The following MAF variants were observed in gnomAD, a reference collection of about 807,000 sequenced individuals.
The protein encoded by MAF is transcription factor Maf.
Under a neutral mutation model 22.0 loss-of-function variants are expected in MAF, and 10 were observed. The ratio of observed to expected loss-of-function variants is 0.45; its 90% CI spans 0.28 to 0.77. The LOEUF is 0.77. Among genes scored for constraint, MAF ranks in the 30% least tolerant of loss-of-function variants. MAF has a pLI of 0.12. For synonymous variants in MAF, 337 were observed against 255.8 expected (o/e 1.32, Z -3.03); for missense variants, 544 against 548.4 (o/e 0.99, Z 0.08).
At chr16:79,485,277 G>C in the MAF span, among the ~76,000 whole-genome samples, 2 of 152,156 alleles carry the variant, frequency 1.3e-5, no homozygotes, top group African/African-American at 2.4e-5. Flanking sequence ...AATACTACTT[G>C]CCTCATAGGG....
the MAF span, among the ~76,000 whole-genome samples, chr16:79,535,888 C>G: frequency 6.6e-6 from 1 of 152,136 alleles, no homozygotes; most frequent in African/African-American, 2.4e-5. Context: ...TACTTTAGTT[C>G]AGCTTTAGAA....
chr16:79,515,100 G>A, the MAF span, among the ~76,000 whole-genome samples: 1 of 152,222 alleles, frequency 6.6e-6, no homozygotes, highest in African/African-American at 2.4e-5. Flanking sequence ...TCATCCAGGT[G>A]TAAGGATCAA....
At chr16:79,529,207 G>GT in the MAF span, among the ~76,000 whole-genome samples, 2 of 152,082 alleles carry the variant, frequency 1.3e-5, no homozygotes, top group African/African-American at 2.4e-5. Context: ...ACTCCAGCTG[G>GT]TCTCTCACTC....
the MAF span, among the ~76,000 whole-genome samples, chr16:79,437,036 C>T: frequency 6.6e-6 from 1 of 152,262 alleles, no homozygotes; most frequent in African/African-American, 2.4e-5. Flanking sequence ...GTAGTTTGAA[C>T]GTGCATGAAT....
the MAF span, among the ~76,000 whole-genome samples, chr16:79,541,203 AACG>A: frequency 6.6e-6 from 1 of 152,206 alleles, no homozygotes; most frequent in African/African-American, 2.4e-5. Flanking sequence ...CTGCTTCTTC[AACG>A]ACTGCTATCG....
At chr16:79,280,011 T>G in the MAF span, among the ~76,000 whole-genome samples, 1 of 152,204 alleles carries the variant, frequency 6.6e-6, no homozygotes, top group Non-Finnish European at 1.5e-5. Flanking sequence ...CTGCTGCCCC[T>G]GTCACAGGCT....
At chr16:79,269,863 T>G in the MAF span, among the ~76,000 whole-genome samples, 1 of 152,124 alleles carries the variant, frequency 6.6e-6, no homozygotes, top group East Asian at 1.9e-4. Flanking sequence ...AAGGGAGAGG[T>G]TTGGCCTTAG....
chr16:79,490,629 C>G, the MAF span, among the ~76,000 whole-genome samples: 2 of 152,090 alleles, frequency 1.3e-5, no homozygotes, highest in Non-Finnish European at 2.9e-5. Flanking sequence ...CACACACTCA[C>G]ACATGCATAA....
the MAF span, among the ~76,000 whole-genome samples, chr16:79,427,571 A>G: frequency 6.6e-6 from 1 of 152,106 alleles, no homozygotes; most frequent in African/African-American, 2.4e-5. Context: ...TGGTCAGGCT[A>G]CTTCTTTCTC....
At chr16:79,246,124 T>C in the MAF span, among the ~76,000 whole-genome samples, 1 of 151,996 alleles carries the variant, frequency 6.6e-6, no homozygotes, top group Non-Finnish European at 1.5e-5. Context: ...GGTTGATGGG[T>C]GCAGCAAACC....
chr16:79,574,076 G>A, the MAF span, among the ~76,000 whole-genome samples: 3 of 152,214 alleles, frequency 2.0e-5, no homozygotes, highest in South Asian at 2.1e-4. Flanking sequence ...TAAATGAGGC[G>A]TGAACTTCAC....
chr16:79,536,716 C>G, the MAF span, among the ~76,000 whole-genome samples: 1 of 152,120 alleles, frequency 6.6e-6, no homozygotes, highest in Non-Finnish European at 1.5e-5. Context: ...ACATAGAGAA[C>G]TTTTTTTCCC....
chr16:79,429,733 A>C, the MAF span, among the ~76,000 whole-genome samples: 1 of 151,796 alleles, frequency 6.6e-6, no homozygotes, highest in Admixed American at 6.6e-5. Flanking sequence ...AAAAAACATG[A>C]CCCCTTTGGA....
At chr16:79,410,083 C>A in the MAF span, among the ~76,000 whole-genome samples, 1 of 152,164 alleles carries the variant, frequency 6.6e-6, no homozygotes, top group Non-Finnish European at 1.5e-5. Flanking sequence ...CTTGGCGAAT[C>A]CCAGTGGCCA....
At chr16:79,314,339 G>A in the MAF span, among the ~76,000 whole-genome samples, 1 of 152,122 alleles carries the variant, frequency 6.6e-6, no homozygotes, top group South Asian at 2.1e-4. Flanking sequence ...CCTTTCATAA[G>A]TACCCCAGGG....
At chr16:79,532,414 C>A in the MAF span, among the ~76,000 whole-genome samples, 1 of 152,130 alleles carries the variant, frequency 6.6e-6, no homozygotes, top group African/African-American at 2.4e-5. Flanking sequence ...AAAAGTGAAA[C>A]AAATGTGCAG....
the MAF span, among the ~76,000 whole-genome samples, chr16:79,481,234 G>GTTTT: frequency 1.3e-5 from 2 of 148,338 alleles, no homozygotes; most frequent in African/African-American, 2.5e-5. Context: ...TTCCACAACA[G>GTTTT]TTTTTTTTTT....
At chr16:79,310,970 C>T in the MAF span, among the ~76,000 whole-genome samples, 4 of 151,856 alleles carry the variant, frequency 2.6e-5, no homozygotes, top group Non-Finnish European at 4.4e-5. Context: ...CTCCACTGCT[C>T]CCAGGAGCGC....
chr16:79,545,560 A>T, the MAF span, among the ~76,000 whole-genome samples: 50 of 151,938 alleles, frequency 3.3e-4, no homozygotes, highest in Non-Finnish European at 5.9e-5. Flanking sequence ...AAAATCGTGG[A>T]CATTACAAAA....
Sources: gnomAD v4.1 joint callset for allele counts (sites outside exome capture counted in the v4.1 genomes callset) on GRCh38, gnomAD v4.1.1 for gene constraint, MANE v1.5 for transcripts, NCBI Gene and HGNC (gene_info 2026-07-23, HGNC 2026-07-21) for gene names.